The following GRIA1 variants were observed in gnomAD, a reference collection of about 807,000 sequenced individuals.
GRIA1 encodes glutamate ionotropic receptor AMPA type subunit 1.
In GRIA1, 31 loss-of-function variants were observed where a neutral mutation model predicts 99.2. The ratio of observed to expected loss-of-function variants is 0.31; its 90% CI spans 0.23 to 0.42. GRIA1 has a LOEUF of 0.42. Ranked by LOEUF, GRIA1 falls within the 10% of genes least tolerant of loss-of-function variation. The pLI, the probability that GRIA1 is intolerant of heterozygous loss-of-function variation, is 1.00. For synonymous variants in GRIA1, 438 were observed against 432.4 expected, an observed-to-expected ratio of 1.01 and a Z score of -0.16; for missense variants, 782 against 1,157.5, an observed-to-expected ratio of 0.68 and a Z score of 4.71.
chr5:153,498,946 G>A (rs574164482), intron 2 of GRIA1, among the ~76,000 whole-genome samples: 173 of 152,164 alleles, frequency 1.1e-3, no homozygotes, highest in Non-Finnish European at 2.0e-3. Context: ...GATTTATATC[G>A]TCAGCATTCA....
At chr5:153,763,526 A>C (rs989863294) in intron 11 of GRIA1, among the ~76,000 whole-genome samples, 1 of 152,242 alleles carries the variant, frequency 6.6e-6, no homozygotes, top group Non-Finnish European at 1.5e-5. Context: ...AATGAAATGC[A>C]AATAACTTTA....
At chr5:153,768,600 G>T (rs1314266868) in intron 12 of GRIA1, among the ~76,000 whole-genome samples, 1 of 152,056 alleles carries the variant, frequency 6.6e-6, no homozygotes, top group Admixed American at 6.6e-5. Flanking sequence ...TGATTTTCCT[G>T]GGCCCCGAAT....
In GRIA1 at chr5:153,568,479, G is replaced by A. The variant is rs186840723; in HGVS notation, c.220+74414G>A. On this transcript the variant is annotated intron_variant, in intron 2 of 15. Transcript: ENST00000285900. ...GTTTATCAAAATATCATCAGAAACA[G>A]TCGAGTGATTCAAATGGTTTTTTTT... Among the ~76,000 whole-genome samples, 47 of 152,254 alleles carry A rather than the reference G, an allele frequency of 3.1e-4. No homozygotes were observed. In the Middle Eastern group the frequency reaches 0.01, roughly 33 times the overall value.
chr5:153,710,839 G>T (rs1759263936), intron 11 of GRIA1, among the ~76,000 whole-genome samples: 1 of 152,150 alleles, frequency 6.6e-6, no homozygotes, highest in Non-Finnish European at 1.5e-5. Context: ...TGTGTAAGTT[G>T]GGATGTGCTA....
intron 10 of GRIA1, among the ~76,000 whole-genome samples, chr5:153,702,734 C>T (rs1331921529): frequency 1.3e-5 from 2 of 152,126 alleles, no homozygotes; most frequent in African/African-American, 2.4e-5. Context: ...CTTTAAAAGC[C>T]CTCCTGGTGA....
intron 11 of GRIA1, among the ~76,000 whole-genome samples, chr5:153,754,025 A>G (rs1425278573): frequency 1.3e-5 from 2 of 152,216 alleles, no homozygotes; most frequent in African/African-American, 4.8e-5. Context: ...CTCACAGTGA[A>G]GGAGGGTAAG....
intron 13 of GRIA1, among the ~76,000 whole-genome samples, chr5:153,772,400 C>A (rs1763940889): frequency 6.6e-6 from 1 of 151,912 alleles, no homozygotes; most frequent in Non-Finnish European, 1.5e-5. Context: ...GTCGATTAAC[C>A]AAAAGCCACT....
chr5:153,646,761 CG>C (rs1305305647), intron 2 of GRIA1, among the ~76,000 whole-genome samples, 166 bp from the exon 3 acceptor site: 1 of 151,914 alleles, frequency 6.6e-6, no homozygotes, highest in Non-Finnish European at 1.5e-5. Context: ...ACTGGTGTGT[CG>C]AAAGGATGAA....
chr5:153,719,686 A>G (rs1390513174), intron 11 of GRIA1, among the ~76,000 whole-genome samples: 1 of 152,080 alleles, frequency 6.6e-6, no homozygotes, highest in Non-Finnish European at 1.5e-5. Context: ...CACAACCCCA[A>G]CCAGATTAAA....
At chr5:153,800,919 G>A (rs946842739) in intron 14 of GRIA1, among the ~76,000 whole-genome samples, 2 of 152,216 alleles carry the variant, frequency 1.3e-5, no homozygotes, top group Admixed American at 1.3e-4. Context: ...ACATGGAGAG[G>A]TATAAAGGCC....
At chr5:153,780,521 A>G (rs922235) in intron 13 of GRIA1, among the ~76,000 whole-genome samples, 30,073 of 152,238 alleles carry the variant, frequency 0.2, 3,184 homozygotes, top group Middle Eastern at 0.31. Context: ...ATTTATTTCC[A>G]TAGTTGTCAA....
intron 2 of GRIA1, among the ~76,000 whole-genome samples, chr5:153,561,255 C>T (rs1226973102): frequency 6.6e-6 from 1 of 152,126 alleles, no homozygotes; most frequent in Non-Finnish European, 1.5e-5. Context: ...GAGAATTGGA[C>T]TCAGAATCTG....
intron 11 of GRIA1, among the ~76,000 whole-genome samples, chr5:153,738,493 C>G (rs1170788050): frequency 6.6e-6 from 1 of 152,064 alleles, no homozygotes; most frequent in East Asian, 1.9e-4. Context: ...ATATAAACAT[C>G]TTGTAGAATT....
At chr5:153,499,940 T>C (rs1012219365) in intron 2 of GRIA1, among the ~76,000 whole-genome samples, 2 of 152,104 alleles carry the variant, frequency 1.3e-5, no homozygotes, top group Admixed American at 6.5e-5. Context: ...GATTTGGGAG[T>C]TTGCCTCCTG....
intron 2 of GRIA1, among the ~76,000 whole-genome samples, chr5:153,533,601 T>C (rs543813068): frequency 6.6e-6 from 1 of 152,296 alleles, no homozygotes; most frequent in South Asian, 2.1e-4. Context: ...TTTAAAATGT[T>C]GTGAAAGAAG....
intron 2 of GRIA1, among the ~76,000 whole-genome samples, chr5:153,601,853 T>C (rs993995496): frequency 7.2e-5 from 11 of 152,218 alleles, no homozygotes; most frequent in African/African-American, 2.7e-4. Flanking sequence ...ATTCTGCAAA[T>C]ATTCATTGTG....
At position 153,698,927 on chromosome 5, in the gene GRIA1, G is replaced by A. The variant is rs1331852157; in HGVS notation, c.1306G>A (p.Glu436Lys). Residue 436 changes from glutamate (E) to lysine (K), a missense_variant, in exon 10 of 16, where the codon GAG (glutamate) becomes AAG (lysine). Coordinates refer to ENST00000285900, the MANE Select transcript of GRIA1 (RefSeq NM_000827.4). Reference sequence around the variant, plus strand: ...TCAGTTTGAGGGCAATGACCGTTACGAGGGCTACTGTGTAGAGCTGGCGGC... The same window carrying A: ...TCAGTTTGAGGGCAATGACCGTTACAAGGGCTACTGTGTAGAGCTGGCGGC... ...ANQFEGNDRYEGYCVELAAEI... is the reference protein window; with the variant it reads ...ANQFEGNDRYKGYCVELAAEI... 3 of 1,613,794 alleles carry A rather than the reference G, an allele frequency of 1.9e-6. No individual in the cohort carries two copies. Among genetic ancestry groups the A allele is most frequent in the Non-Finnish European group, 1.7e-6 (2 of 1,179,694 alleles).
chr5:153,811,488 C>A lies in GRIA1; in HGVS notation c.*263C>A, dbSNP rs2149684427. The A allele has an allele frequency of 2.4e-6, 1 of 416,208 alleles. No homozygotes were observed. The highest frequency in any genetic ancestry group is 5.0e-5 in the East Asian group (1 of 20,180). 25.8% of individuals were successfully genotyped at this position (416,208 alleles called of 1,614,324 possible). On this transcript the variant is annotated 3_prime_UTR_variant, in exon 16 of 16. Coordinates refer to ENST00000285900, the MANE Select transcript of GRIA1 (RefSeq NM_000827.4). ...CTGTACTGCAATAAGGGGAGAGTAA[C>A]CCTGTCTAATGAAACCTGTGTCTCT...
intron 13 of GRIA1, among the ~76,000 whole-genome samples, chr5:153,778,189 G>C (rs1351290620): frequency 8.6e-5 from 7 of 81,398 alleles, no homozygotes; most frequent in Non-Finnish European, 1.6e-4. Context: ...GAGAGAGAGA[G>C]AGAGTGTGTG....
Sources: gnomAD v4.1 joint callset for allele counts (sites outside exome capture counted in the v4.1 genomes callset) on GRCh38, gnomAD v4.1.1 for gene constraint, MANE v1.5 for transcripts, NCBI Gene and HGNC (gene_info 2026-07-23, HGNC 2026-07-21) for gene names.